Variants in RARG observed in about 807,000 individuals in gnomAD.
RARG encodes the protein retinoic acid receptor gamma.
Under a neutral mutation model 43.7 loss-of-function variants are expected in RARG, and 17 were observed. The ratio of observed to expected loss-of-function variants is 0.39; its 90% CI spans 0.27 to 0.58. The LOEUF is 0.58. RARG is among the 20% of genes least tolerant of loss of function. The probability of loss-of-function intolerance (pLI) is 0.57; values close to 1 mark genes in which losing one functional copy is unlikely to be tolerated. For missense variants in RARG, 346 were observed against 598.7 expected (o/e 0.58, Z 4.40); for synonymous variants, 238 against 236.4 (o/e 1.01, Z -0.06).
Position 53,213,146 on chromosome 12 carries a change from C to T in RARG, c.1116G>A (p.Gln372=). Residue 372 remains glutamine (Q), a synonymous_variant, in exon 9 of 10, where the codon CAG becomes CAA. Coordinates refer to ENST00000425354, the MANE Select transcript of RARG (RefSeq NM_000966.6). The surrounding 1 kb of genome is among the most constrained non-coding windows in gnomAD (Gnocchi z 4.7). ...RLYARRRRPS[Q]PYMFPRMLMK... ...TTAGCATCCTTGGGAACATGTAGGG[C>T]TGGCTGGGCCGCCGGCGCCGGGCGT... The T allele has an allele frequency of 6.2e-7, 1 of 1,614,196 alleles. No individual in the cohort carries two copies. Among genetic ancestry groups the T allele is most frequent in the Non-Finnish European group, 8.5e-7 (1 of 1,180,014 alleles).
intron 3 of RARG, among the ~76,000 whole-genome samples, chr12:53,216,861 C>CGCGCGT (rs1491204312): frequency 2.8e-4 from 35 of 123,000 alleles, no homozygotes; most frequent in African/African-American, 1.2e-3. Context: ...CGCGCGCGCG[C>CGCGCGT]GTGTGGTTGG....
intron 6 of RARG, 78 bp downstream of exon 6, chr12:53,214,368 A>G (rs2120618270): frequency 6.4e-7 from 1 of 1,561,454 alleles, no homozygotes; most frequent in East Asian, 2.3e-5. Flanking sequence ...CCAGTCGATG[A>G]TAGCCTCCAA....
Position 53,211,990 on chromosome 12 carries a change from C to T in RARG, c.1178-127G>A. The T allele has an allele frequency of 1.7e-6, 1 of 594,900 alleles. No individual in the cohort carries two copies. The highest frequency in any genetic ancestry group is 2.5e-6 in the Non-Finnish European group (1 of 396,690). The allele number at this position is 594,900 out of a possible 1,614,324, so 36.9% of individuals were successfully genotyped here. A position where few individuals can be genotyped will look rare whatever the true frequency, so the allele number is the denominator to read the frequency against. On this transcript the variant is annotated intron_variant, in intron 9 of 9. Transcript: ENST00000425354. The surrounding 1 kb of genome is among the most constrained non-coding windows in gnomAD (Gnocchi z 4.6). Reference sequence around the variant, plus strand: ...GGCGCCCAGCACAGGCCCACCACCTCTCCGTCCCCAGCTCATCCTCTTCTC... The same window carrying T: ...GGCGCCCAGCACAGGCCCACCACCTTTCCGTCCCCAGCTCATCCTCTTCTC...
At position 53,227,748 on chromosome 12, in the gene RARG, T is replaced by A; in HGVS notation, c.-142-61A>T. 2 of 1,143,916 alleles carry A rather than the reference T, an allele frequency of 1.7e-6. No homozygotes were observed. The highest frequency in any genetic ancestry group is 2.2e-6 in the Non-Finnish European group (2 of 889,314). The allele number at this position is 1,143,916 out of a possible 1,614,324, so 70.9% of individuals were successfully genotyped here. A position where few individuals can be genotyped will look rare whatever the true frequency, so the allele number is the denominator to read the frequency against. ...ATGACCACTCTGAGGTTCCAAGCCC[T>A]GTGACCCTCTCTCAGTTGCAGTCTT... is the stretch of plus-strand genomic sequence containing the variant. On this transcript the variant is annotated intron_variant, in intron 2 of 9. Coordinates refer to ENST00000425354, the MANE Select transcript of RARG (RefSeq NM_000966.6). The surrounding 1 kb of genome is among the most constrained non-coding windows in gnomAD (Gnocchi z 4.3).
At chr12:53,218,938 A>T (rs1592436501) in intron 3 of RARG, among the ~76,000 whole-genome samples, 1 of 141,122 alleles carries the variant, frequency 7.1e-6, no homozygotes, top group Non-Finnish European at 1.5e-5. Flanking sequence ...GCCCCTCCCC[A>T]CACCCCACCC....
chr12:53,227,574 G>C lies in RARG; in HGVS notation c.-29C>G. The C allele has an allele frequency of 6.7e-7, 1 of 1,502,366 alleles. No homozygotes were observed. The highest frequency in any genetic ancestry group is 8.9e-7 in the Non-Finnish European group (1 of 1,124,450). 93.1% of individuals were successfully genotyped at this position (1,502,366 alleles called of 1,614,324 possible). A position where few individuals can be genotyped will look rare whatever the true frequency, so the allele number is the denominator to read the frequency against. On this transcript the variant is annotated 5_prime_UTR_variant, in exon 3 of 10. Transcript: ENST00000425354. The surrounding 1 kb of genome is among the most constrained non-coding windows in gnomAD (Gnocchi z 4.3). ...AGCTGCGGTGTGAGAGTCCCCTGGGGTCTGCAGTGGGCGGGCGAGGTCTTC... is the reference window on the plus strand; with the variant it reads ...AGCTGCGGTGTGAGAGTCCCCTGGGCTCTGCAGTGGGCGGGCGAGGTCTTC...
chr12:53,225,378 C>CAGAG (rs1943082585), intron 3 of RARG, among the ~76,000 whole-genome samples: 1 of 152,172 alleles, frequency 6.6e-6, no homozygotes, highest in African/African-American at 2.4e-5. Context: ...TGTACATGAG[C>CAGAG]AGAGGCCCAG....
chr12:53,214,157 T>C lies in RARG; in HGVS notation c.715A>G (p.Ile239Val). The C allele has an allele frequency of 6.2e-7, 1 of 1,613,952 alleles. No individual in the cohort carries two copies. The highest frequency in any genetic ancestry group is 8.5e-7 in the Non-Finnish European group (1 of 1,179,844). Reference protein sequence around the residue: ...KFSELATKCIIKIVEFAKRLP... With the variant: ...KFSELATKCIVKIVEFAKRLP... ...CGCTTGGCAAACTCCACGATCTTGA[T>C]GATGCACTTGGTAGCCAGCTCACTG... The change falls in exon 7 of 10, where the codon ATC (isoleucine) becomes GTC (valine). Residue 239 changes from isoleucine to valine, a missense_variant. Physicochemically the swap from Ile to Val is conservative, Grantham distance 29. Transcript: ENST00000425354.
chr12:53,214,368 A>C, intron 6 of RARG, 78 bp downstream of exon 6: 2 of 1,561,454 alleles, frequency 1.3e-6, no homozygotes, highest in Non-Finnish European at 1.8e-6. Flanking sequence ...CCAGTCGATG[A>C]TAGCCTCCAA....
chr12:53,226,323 C>CT (rs57223599), intron 3 of RARG, among the ~76,000 whole-genome samples: 11,716 of 151,352 alleles, frequency 0.077, 972 homozygotes, highest in African/African-American at 0.2. Flanking sequence ...GATGGGGTTT[C>CT]TTTTTTTATT....
chr12:53,224,242 C>T (rs529087168), intron 3 of RARG, among the ~76,000 whole-genome samples: 35 of 152,112 alleles, frequency 2.3e-4, no homozygotes, highest in African/African-American at 8.4e-4. Context: ...GTCTCACCCC[C>T]CTTCAGACCC....
At chr12:53,228,346 C>A (rs1451716896) in intron 2 of RARG, among the ~76,000 whole-genome samples, 1 of 152,192 alleles carries the variant, frequency 6.6e-6, no homozygotes, top group African/African-American at 2.4e-5. Context: ...TAGGGCCTAC[C>A]TCATATGGTT....
At position 53,229,975 on chromosome 12, in the gene RARG, G is replaced by A. The variant is rs1024430922; in HGVS notation, c.-143+1194C>T. On this transcript the variant is annotated intron_variant, in intron 2 of 9. Coordinates refer to ENST00000425354, the MANE Select transcript of RARG (RefSeq NM_000966.6). Reference sequence around the variant, plus strand: ...TTGGCCTTCCTCTTATTTTGCCTCAGAGAAGGGACTTGGGAGTTGAGTGAA... The same window carrying A: ...TTGGCCTTCCTCTTATTTTGCCTCAAAGAAGGGACTTGGGAGTTGAGTGAA... 2.7e-5 allele frequency: 26 copies of A among 978,450 alleles called. 1 individual carries two copies. In the South Asian group the frequency reaches 9.9e-4, roughly 37 times the overall value. The allele number at this position is 978,450 out of a possible 1,614,324, so 60.6% of individuals were successfully genotyped here. A position where few individuals can be genotyped will look rare whatever the true frequency, so the allele number is the denominator to read the frequency against.
rs1283500594 is a variant in RARG at position 53,216,837 on chromosome 12, TGTGTGCGC to T, written c.185-1051_185-1044del. 1.8e-4 allele frequency among the ~76,000 whole-genome samples: 25 copies of T among 139,572 alleles called. No individual in the cohort carries two copies. The South Asian group carries it at 4.1e-3, about 23-fold the overall frequency. The allele number at this position is 139,572 out of a possible 152,430, so 91.6% of individuals were successfully genotyped here. A position where few individuals can be genotyped will look rare whatever the true frequency, so the allele number is the denominator to read the frequency against. Reference sequence around the variant, plus strand: ...TGCTGGGTAAGTGTGTGTGTGTGTGTGTGTGCGCGCGCGCGCGCGCGCGCGTGTGGTTG... The same window carrying T: ...TGCTGGGTAAGTGTGTGTGTGTGTGTGCGCGCGCGCGCGCGCGTGTGGTTG... On this transcript the variant is annotated intron_variant, in intron 3 of 9. Coordinates refer to ENST00000425354, the MANE Select transcript of RARG (RefSeq NM_000966.6).
intron 5 of RARG, 178 bp from the exon 6 acceptor site, chr12:53,214,784 C>A: frequency 3.0e-6 from 2 of 663,612 alleles, no homozygotes; most frequent in African/African-American, 1.8e-5. Context: ...GCTGGTTCTC[C>A]CCAGCCCCAC....
At position 53,215,387 on chromosome 12, in the gene RARG, G is replaced by A; in HGVS notation, c.381C>T (p.His127=). Residue 127 remains histidine, a synonymous_variant, in exon 5 of 10, where the codon CAC becomes CAT. Transcript: ENST00000425354. The surrounding 1 kb of genome is among the most constrained non-coding windows in gnomAD (Gnocchi z 6.4). ...TGTTGATGATACAGTTTTTGTCGCG[G>A]TGACACGTGTACACCATGTTCTTCT... ...SIQKNMVYTC[H]RDKNCIINKV... The A allele has an allele frequency of 3.1e-6, 5 of 1,614,138 alleles. No homozygotes were observed. The highest frequency in any genetic ancestry group is 4.2e-6 in the Non-Finnish European group (5 of 1,180,002).
intron 9 of RARG, among the ~76,000 whole-genome samples, chr12:53,212,819 GT>G (rs1430694707): frequency 6.6e-6 from 1 of 151,304 alleles, no homozygotes; most frequent in Non-Finnish European, 1.5e-5. Flanking sequence ...CAATTCTGCA[GT>G]TGCAGTAGTC....
intron 9 of RARG, among the ~76,000 whole-genome samples, chr12:53,212,733 T>C (rs201737875): frequency 0.059 from 7,659 of 130,638 alleles, 276 homozygotes; most frequent in East Asian, 0.14. Flanking sequence ...TCTAAATATA[T>C]ATATACACAC....
chr12:53,222,231 G>A lies in RARG; in HGVS notation c.184+5131C>T, dbSNP rs747325408. ...ACCCCACAAAAAAAAGAAAGAAAGA[G>A]AGAGAAAGAAAAGAAAGAGAAAGAA... is the stretch of plus-strand genomic sequence containing the variant. On this transcript the variant is annotated intron_variant, in intron 3 of 9. Coordinates refer to ENST00000425354, the MANE Select transcript of RARG (RefSeq NM_000966.6). 2.8e-4 allele frequency among the ~76,000 whole-genome samples: 26 copies of A among 93,238 alleles called. No homozygotes were observed. The East Asian group carries it at 3.3e-3, about 12-fold the overall frequency. The allele number at this position is 93,238 out of a possible 152,430, so 61.2% of individuals were successfully genotyped here.
Sources: gnomAD v4.1 joint callset for allele counts (sites outside exome capture counted in the v4.1 genomes callset) on GRCh38, gnomAD v4.1.1 for gene constraint, Gnocchi (gnomAD v3.1) non-coding constraint, MANE v1.5 for transcripts, NCBI Gene and HGNC (gene_info 2026-07-23, HGNC 2026-07-21) for gene names.